SGIP1: variants seen among roughly 807,000 people sequenced by gnomAD.
SGIP1 encodes SH3GL interacting endocytic adaptor 1, also known as SH3-containing GRB2-like protein 3-interacting protein 1.
A neutral mutation model predicts 107.5 loss-of-function variants in SGIP1; 38 were observed. The observed-to-expected ratio is 0.35, with a 90% CI of 0.27 to 0.46. SGIP1 has a LOEUF of 0.46. Among genes scored for constraint, SGIP1 ranks in the 20% least tolerant of loss-of-function variants. The probability of loss-of-function intolerance (pLI) is 1.00; values close to 1 mark genes in which losing one functional copy is unlikely to be tolerated. For missense variants in SGIP1, 929 were observed against 1,019.5 expected (o/e 0.91, Z 1.21); for synonymous variants, 365 against 366.1 (o/e 1.00, Z 0.03).
chr1:66,694,566 T>C, intron 17 of SGIP1: 1 of 1,363,372 alleles, frequency 7.3e-7, no homozygotes, highest in Non-Finnish European at 9.8e-7. Context: ...CCATTATCCA[T>C]CTGAATGCTA....
Position 66,679,613 on chromosome 1 carries a change from T to C in SGIP1, c.740-65T>C, listed in dbSNP as rs72920309. ...ACTGAAAGCCCAAATCCTGCTTATTTAAAGTGTATTGTATGACTTAGGAAG... is the reference window on the plus strand; with the variant it reads ...ACTGAAAGCCCAAATCCTGCTTATTCAAAGTGTATTGTATGACTTAGGAAG... On this transcript the variant is annotated intron_variant, in intron 13 of 24. Transcript: ENST00000371037. 3.1e-3 allele frequency: 4,732 copies of C among 1,505,612 alleles called. 126 individuals carry two copies. In the African/African-American group the frequency reaches 0.058, roughly 19 times the overall value. The allele number at this position is 1,505,612 out of a possible 1,614,324, so 93.3% of individuals were successfully genotyped here.
intron 1 of SGIP1, among the ~76,000 whole-genome samples, chr1:66,603,244 C>A (rs2066206682): frequency 6.6e-6 from 1 of 152,076 alleles, no homozygotes; most frequent in Admixed American, 6.5e-5. Flanking sequence ...TATTTCAGTT[C>A]TTTCATGGTG....
chr1:66,671,891 T>C, intron 10 of SGIP1, 53 bp from the exon 11 acceptor site: 2 of 1,515,772 alleles, frequency 1.3e-6, no homozygotes. Flanking sequence ...TTATAAGACA[T>C]ATCAGGGAAT....
chr1:66,604,634 A>G (rs774455760), intron 1 of SGIP1, among the ~76,000 whole-genome samples: 7 of 152,228 alleles, frequency 4.6e-5, no homozygotes, highest in Non-Finnish European at 8.8e-5. Flanking sequence ...CTTATCTCAT[A>G]GGATGGTTGG....
At chr1:66,595,126 G>A (rs1252716242) in intron 1 of SGIP1, among the ~76,000 whole-genome samples, 1 of 152,172 alleles carries the variant, frequency 6.6e-6, no homozygotes, top group Non-Finnish European at 1.5e-5. Context: ...ACATTTATCA[G>A]ATTTGTTTTG....
chr1:66,741,912 C>T (rs566320646), intron 24 of SGIP1, among the ~76,000 whole-genome samples: 2 of 152,084 alleles, frequency 1.3e-5, no homozygotes, highest in East Asian at 1.9e-4. Flanking sequence ...GGACTACAGG[C>T]GCCCACCACC....
intron 8 of SGIP1, among the ~76,000 whole-genome samples, chr1:66,664,980 GTTGT>G (rs1164451364): frequency 6.6e-6 from 1 of 152,026 alleles, no homozygotes; most frequent in African/African-American, 2.4e-5. Flanking sequence ...TGTTGTTGTT[GTTGT>G]TTATCATACT....
chr1:66,540,695 A>T (rs1175059921), intron 1 of SGIP1, among the ~76,000 whole-genome samples: 2 of 152,192 alleles, frequency 1.3e-5, no homozygotes, highest in Non-Finnish European at 2.9e-5. Flanking sequence ...GAATTTGTTA[A>T]TCTTAGGAGC....
intron 9 of SGIP1, 72 bp downstream of exon 9, chr1:66,667,613 G>T (rs2082860107): frequency 2.8e-6 from 4 of 1,412,174 alleles, no homozygotes; most frequent in South Asian, 1.1e-5. Flanking sequence ...TGGCCAGGTT[G>T]GTTTCCCATT....
chr1:66,631,076 AAAGAAAGAAAGAAAG>A lies in SGIP1; in HGVS notation c.75-1991_75-1977del, dbSNP rs1469377483. On this transcript the variant is annotated intron_variant, in intron 2 of 24. Coordinates refer to ENST00000371037, the MANE Select transcript of SGIP1 (RefSeq NM_032291.4). ...GAAAGAAAGAAAGAAAGAAAGAAAG[AAAGAAAGAAAGAAAG>A]AAAGAAAGAAAAAAAGAAAGACTGA... Among the ~76,000 whole-genome samples, 5 of 142,342 alleles carry A rather than the reference AAAGAAAGAAAGAAAG, an allele frequency of 3.5e-5. No homozygotes were observed. In the East Asian group the frequency reaches 1.2e-3, roughly 34 times the overall value. 93.4% of individuals were successfully genotyped at this position (142,342 alleles called of 152,430 possible).
chr1:66,639,894 G>T (rs1255641056), intron 5 of SGIP1, 61 bp downstream of exon 5: 1 of 1,390,196 alleles, frequency 7.2e-7, no homozygotes, highest in South Asian at 1.2e-5. Flanking sequence ...ATGAGTTGAG[G>T]CATTCTTATA....
intron 1 of SGIP1, among the ~76,000 whole-genome samples, chr1:66,579,268 C>T (rs772196846): frequency 2.0e-5 from 3 of 152,180 alleles, no homozygotes; most frequent in Non-Finnish European, 4.4e-5. Flanking sequence ...TGTACTCAGC[C>T]TCACCAATCT....
intron 1 of SGIP1, among the ~76,000 whole-genome samples, chr1:66,585,531 C>T (rs535878490): frequency 1.3e-5 from 2 of 151,190 alleles, no homozygotes; most frequent in African/African-American, 4.9e-5. Flanking sequence ...CCACTATGGG[C>T]AGTGCTATTT....
intron 8 of SGIP1, chr1:66,665,794 C>A (rs1378720122): frequency 6.6e-6 from 1 of 152,174 alleles, no homozygotes; most frequent in Admixed American, 6.5e-5. Context: ...TGTTCATATC[C>A]TTTGCCCACT....
chr1:66,647,102 T>A (rs1282443058), intron 7 of SGIP1, among the ~76,000 whole-genome samples: 1 of 152,132 alleles, frequency 6.6e-6, no homozygotes, highest in Non-Finnish European at 1.5e-5. Context: ...TTAAACAATA[T>A]AGGTGGTTTC....
In SGIP1 at chr1:66,684,007, G is replaced by A. The variant is rs1038697074; in HGVS notation, c.1315+1638G>A. The A allele has an allele frequency of 6.4e-5, 96 of 1,490,668 alleles. No individual in the cohort carries two copies. In the African/African-American group the frequency reaches 7.2e-4, roughly 11 times the overall value. The allele number at this position is 1,490,668 out of a possible 1,614,324, so 92.3% of individuals were successfully genotyped here. A position where few individuals can be genotyped will look rare whatever the true frequency, so the allele number is the denominator to read the frequency against. ...GCTGGGATTATAGGCTTGAGCTACC[G>A]CGCCCAGCCCTAAATGCTTTTTGGC... is the stretch of plus-strand genomic sequence containing the variant. On this transcript the variant is annotated intron_variant, in intron 15 of 24. Coordinates refer to ENST00000371037, the MANE Select transcript of SGIP1 (RefSeq NM_032291.4).
intron 2 of SGIP1, among the ~76,000 whole-genome samples, chr1:66,630,860 A>AG (rs2074234607): frequency 6.9e-5 from 3 of 43,488 alleles, no homozygotes; most frequent in East Asian, 1.5e-3. Flanking sequence ...AGAAAGAAAG[A>AG]AAGAAAGAAA....
intron 1 of SGIP1, among the ~76,000 whole-genome samples, chr1:66,537,082 C>A (rs4655616): frequency 0.52 from 79,594 of 151,954 alleles, 21,269 homozygotes; most frequent in South Asian, 0.76. Flanking sequence ...CCTCAGTGAT[C>A]CTAATTTTGT....
At chr1:66,730,711 G>C (rs1384445138) in intron 20 of SGIP1, among the ~76,000 whole-genome samples, 3 of 152,152 alleles carry the variant, frequency 2.0e-5, no homozygotes, top group Non-Finnish European at 4.4e-5. Context: ...TTGAGGCCTT[G>C]AGTTGTTTAC....
Sources: allele counts gnomAD v4.1 joint callset (sites outside exome capture counted in the v4.1 genomes callset), GRCh38; gene constraint gnomAD v4.1.1; transcripts MANE v1.5; gene names NCBI Gene and HGNC (gene_info 2026-07-23, HGNC 2026-07-21).